The following XPO1 variants were observed in gnomAD, a reference collection of about 807,000 sequenced individuals.
XPO1 encodes exportin-1.
Under a neutral mutation model 133.3 loss-of-function variants are expected in XPO1, and 5 were observed. The observed-to-expected ratio is 0.04, with a 90% CI of 0.02 to 0.08. The LOEUF is 0.08. Ranked by LOEUF, XPO1 falls within the 10% of genes least tolerant of loss-of-function variation. XPO1 has a pLI of 1.00. For missense variants in XPO1, 506 were observed against 1,267.5 expected (o/e 0.40, Z 9.12); for synonymous variants, 419 against 408.2 (o/e 1.03, Z -0.32).
intron 9 of XPO1, 109 bp downstream of exon 9, chr2:61,498,564 G>A: frequency 1.4e-6 from 2 of 1,415,658 alleles, no homozygotes; most frequent in Non-Finnish European, 1.9e-6. Context: ...GCGTCCTCGT[G>A]TTAGAAACAA....
intron 3 of XPO1, chr2:61,525,158 G>T: frequency 2.0e-6 from 1 of 511,172 alleles, no homozygotes; most frequent in Non-Finnish European, 2.5e-6. Context: ...TTTCTACTGA[G>T]CCCTTAGAAA....
intron 6 of XPO1, among the ~76,000 whole-genome samples, chr2:61,500,889 G>C (rs934381856): frequency 6.6e-6 from 1 of 152,148 alleles, no homozygotes; most frequent in Non-Finnish European, 1.5e-5. Context: ...GCTTATTATT[G>C]GATGCAATTT....
At chr2:61,524,460 A>C (rs548913883) in intron 3 of XPO1, among the ~76,000 whole-genome samples, 1 of 152,324 alleles carries the variant, frequency 6.6e-6, no homozygotes, top group African/African-American at 2.4e-5. Flanking sequence ...GATACAATTC[A>C]TATTTCATCT....
At chr2:61,494,276 G>A in intron 11 of XPO1, 185 bp from the exon 12 acceptor site, 2 of 541,392 alleles carry the variant, frequency 3.7e-6, no homozygotes, top group South Asian at 4.4e-5. Flanking sequence ...ATGCCCTAAA[G>A]CACTTCAAAA....
chr2:61,495,434 C>T, intron 11 of XPO1, 21 bp downstream of exon 11: 1 of 1,494,976 alleles, frequency 6.7e-7, no homozygotes, highest in Non-Finnish European at 9.0e-7. Flanking sequence ...ATTTTAGGAG[C>T]AAAAGCTCCA....
At chr2:61,503,951 C>T (rs747931119) in intron 4 of XPO1, among the ~76,000 whole-genome samples, 7 of 152,138 alleles carry the variant, frequency 4.6e-5, no homozygotes, top group East Asian at 1.9e-4. Context: ...AGGATGAAGC[C>T]GGTGGATCGC....
chr2:61,501,491 G>A (rs547581895), intron 6 of XPO1, among the ~76,000 whole-genome samples: 2 of 152,186 alleles, frequency 1.3e-5, no homozygotes, highest in South Asian at 4.1e-4. Context: ...GGAGGTCGAG[G>A]TGGGTGGATC....
intron 3 of XPO1, among the ~76,000 whole-genome samples, 168 bp from the exon 4 acceptor site, chr2:61,522,851 G>A (rs1558672562): frequency 5.9e-5 from 9 of 152,146 alleles, no homozygotes; most frequent in Admixed American, 5.2e-4. Flanking sequence ...CCCATATACT[G>A]AGTTTTCATG....
In XPO1 at chr2:61,493,069, TATCA is replaced by T. The variant is rs1332179530; in HGVS notation, c.1246-20_1246-17del. 7.7e-6 allele frequency: 12 copies of T among 1,552,466 alleles called. No homozygotes were observed. Among genetic ancestry groups the T allele is most frequent in the African/African-American group, 1.4e-5 (1 of 72,246 alleles). On this transcript the variant is annotated splice_polypyrimidine_tract_variant and intron_variant, in intron 12 of 24. Coordinates refer to ENST00000401558, the MANE Select transcript of XPO1 (RefSeq NM_003400.4). ...ATAAACGGACCTATACTCAACAATATATCAATCAAGAAAAAAATCGTTAGATCAC... is the reference window on the plus strand; with the variant it reads ...ATAAACGGACCTATACTCAACAATATATCAAGAAAAAAATCGTTAGATCAC...
chr2:61,499,012 T>A (rs1276640802), intron 7 of XPO1, 99 bp from the exon 8 acceptor site: 4 of 1,332,798 alleles, frequency 3.0e-6, no homozygotes, highest in East Asian at 5.1e-5. Flanking sequence ...CCCAGTACAG[T>A]GGCTCATGCC....
chr2:61,505,481 T>C (rs1697757635), intron 4 of XPO1, among the ~76,000 whole-genome samples: 1 of 150,650 alleles, frequency 6.6e-6, no homozygotes, highest in African/African-American at 2.4e-5. Flanking sequence ...CACGGCCGCC[T>C]CCTGGGTTCA....
intron 22 of XPO1, 102 bp downstream of exon 22, chr2:61,482,855 C>A (rs1388410744): frequency 4.2e-6 from 6 of 1,417,802 alleles, no homozygotes; most frequent in Non-Finnish European, 3.9e-6. Flanking sequence ...GAACTCCTGA[C>A]CTCATAATCT....
At chr2:61,493,798 A>T in intron 12 of XPO1, 96 bp downstream of exon 12, 1 of 1,332,626 alleles carries the variant, frequency 7.5e-7, no homozygotes, top group Non-Finnish European at 1.0e-6. Flanking sequence ...TTCTCTTTTT[A>T]TAGCTAATTT....
intron 2 of XPO1, among the ~76,000 whole-genome samples, chr2:61,528,733 TTA>T (rs10528074): frequency 0.017 from 1,915 of 113,992 alleles, 6 homozygotes; most frequent in Non-Finnish European, 0.023. Flanking sequence ...GACATTTTAT[TTA>T]TATATATATA....
chr2:61,489,413 C>CA (rs35045881), intron 17 of XPO1, among the ~76,000 whole-genome samples: 79,353 of 140,316 alleles, frequency 0.57, 21,904 homozygotes, highest in East Asian at 0.65. Context: ...AACTCCATCT[C>CA]AAAAAAAAAA....
At chr2:61,534,793 G>A (rs1699290980) in intron 1 of XPO1, 1 of 152,162 alleles carries the variant, frequency 6.6e-6, no homozygotes, top group Non-Finnish European at 1.5e-5. Flanking sequence ...ACATATCTTG[G>A]TATAAATGCC....
At chr2:61,518,141 AG>A (rs1698488200) in intron 4 of XPO1, among the ~76,000 whole-genome samples, 1 of 151,342 alleles carries the variant, frequency 6.6e-6, no homozygotes, top group Admixed American at 6.6e-5. Flanking sequence ...CAAAAAAAAA[AG>A]AAAAAAAGCC....
chr2:61,510,406 A>G (rs1486076360), intron 4 of XPO1, among the ~76,000 whole-genome samples: 3 of 152,234 alleles, frequency 2.0e-5, no homozygotes, highest in Non-Finnish European at 4.4e-5. Context: ...TGAAATATTA[A>G]TAAGAACAAT....
intron 2 of XPO1, among the ~76,000 whole-genome samples, chr2:61,526,842 G>C (rs1375581368): frequency 6.6e-6 from 1 of 151,004 alleles, no homozygotes; most frequent in Non-Finnish European, 1.5e-5. Context: ...TGAGTAGCTG[G>C]GATTATAGGC....
Sources: allele counts gnomAD v4.1 joint callset (sites outside exome capture counted in the v4.1 genomes callset), GRCh38; gene constraint gnomAD v4.1.1; transcripts MANE v1.5; gene names NCBI Gene and HGNC (gene_info 2026-07-23, HGNC 2026-07-21).